The following WNT7B variants were observed in gnomAD, a reference collection of about 807,000 sequenced individuals.
The protein encoded by WNT7B is Wnt family member 7B.
WNT7B carries 19 observed loss-of-function variants against 38.2 expected under a neutral mutation model. The ratio of observed to expected loss-of-function variants is 0.50; its 90% CI spans 0.35 to 0.73. The LOEUF is 0.73. Among genes scored for constraint, WNT7B ranks in the 30% least tolerant of loss-of-function variants. The pLI is 0.01. For missense variants in WNT7B, 423 were observed against 507.9 expected, an observed-to-expected ratio of 0.83 and a Z score of 1.61; for synonymous variants, 243 against 209.3, an observed-to-expected ratio of 1.16 and a Z score of -1.39.
chr22:45,945,980 C>T (rs568093784), intron 2 of WNT7B, among the ~76,000 whole-genome samples: 5 of 152,260 alleles, frequency 3.3e-5, no homozygotes, highest in East Asian at 1.9e-4. Context: ...CATTCCCTGG[C>T]AGCTCAAGGG....
chr22:45,954,299 T>G lies in WNT7B; in HGVS notation c.72-4153A>C, dbSNP rs1232944749. On this transcript the variant is annotated intron_variant, in intron 1 of 3. Transcript: ENST00000339464. ...GTGGCTGCCTAATGGGTATGGAATT[T>G]CCATCTGGGGTGATGGAAAGTTCTG... 2.0e-5 allele frequency among the ~76,000 whole-genome samples: 3 copies of G among 152,322 alleles called. No individual in the cohort carries two copies. The South Asian group carries it at 6.2e-4, about 32-fold the overall frequency.
chr22:45,943,166 C>G (rs1028264626), intron 2 of WNT7B, among the ~76,000 whole-genome samples: 12 of 152,184 alleles, frequency 7.9e-5, no homozygotes, highest in African/African-American at 2.9e-4. Flanking sequence ...GTCCTTCCCC[C>G]CCTGTTTCTC....
chr22:45,929,884 CCACT>C (rs1931270488), intron 3 of WNT7B, among the ~76,000 whole-genome samples: 2 of 143,004 alleles, frequency 1.4e-5, no homozygotes, highest in African/African-American at 6.0e-5. Flanking sequence ...AACCATCTAC[CCACT>C]CATCCACTCA....
chr22:45,946,990 G>A (rs1305631333), intron 2 of WNT7B, among the ~76,000 whole-genome samples: 2 of 152,220 alleles, frequency 1.3e-5, no homozygotes, highest in Middle Eastern at 3.2e-3. Context: ...CTGTTCCCAC[G>A]AGTGTCCTGG....
At chr22:45,942,905 G>A (rs375855685) in intron 2 of WNT7B, among the ~76,000 whole-genome samples, 16 of 151,460 alleles carry the variant, frequency 1.1e-4, no homozygotes, top group African/African-American at 3.9e-4. Context: ...GTGTGCGCGC[G>A]TGTGTGCAGT....
intron 3 of WNT7B, chr22:45,926,627 G>A (rs1931092244): frequency 2.0e-6 from 2 of 985,276 alleles, no homozygotes; most frequent in African/African-American, 1.7e-5. Context: ...CCTGGCCATG[G>A]CCTGCGGCTG....
At chr22:45,969,489 C>T (rs969088001) in intron 1 of WNT7B, among the ~76,000 whole-genome samples, 3 of 152,234 alleles carry the variant, frequency 2.0e-5, no homozygotes, top group African/African-American at 7.2e-5. Flanking sequence ...ACCTGCCCTC[C>T]CTTGGGCCCT....
rs567572371 is a variant in WNT7B at position 45,929,895 on chromosome 22, C to T, written c.570+1203G>A. Among the ~76,000 whole-genome samples, 6 of 128,008 alleles carry T rather than the reference C, an allele frequency of 4.7e-5. No individual in the cohort carries two copies. In the East Asian group the frequency reaches 1.3e-3, roughly 28 times the overall value. 84.0% of individuals were successfully genotyped at this position (128,008 alleles called of 152,430 possible). A position where few individuals can be genotyped will look rare whatever the true frequency, so the allele number is the denominator to read the frequency against. On this transcript the variant is annotated intron_variant, in intron 3 of 3. Transcript: ENST00000339464. ...ATCCAACCATCTACCCACTCATCCA[C>T]TCATCTATCTACCCATCCATCTATC... is the stretch of plus-strand genomic sequence containing the variant.
chr22:45,922,311 G>A lies in WNT7B; in HGVS notation c.*545C>T, dbSNP rs1041164821. The A allele has an allele frequency of 9.7e-5, 15 of 155,246 alleles. No homozygotes were observed. The highest frequency in any genetic ancestry group is 1.4e-4 in the African/African-American group (6 of 41,472). The allele number at this position is 155,246 out of a possible 1,614,324, so 9.6% of individuals were successfully genotyped here. On this transcript the variant is annotated 3_prime_UTR_variant, in exon 4 of 4. Coordinates refer to ENST00000339464, the MANE Select transcript of WNT7B (RefSeq NM_058238.3). ...TGGGCTGACACAGAGTACGGAGTTA[G>A]GACTGGCTATGTGTTAGTGCCGAGA...
chr22:45,971,598 G>C (rs935947554), intron 1 of WNT7B, among the ~76,000 whole-genome samples: 7 of 152,230 alleles, frequency 4.6e-5, no homozygotes, highest in African/African-American at 7.2e-5. Flanking sequence ...ACTCGGCAGG[G>C]GCAGGGATCA....
intron 2 of WNT7B, among the ~76,000 whole-genome samples, chr22:45,943,015 G>T (rs765287786): frequency 1.3e-5 from 2 of 151,568 alleles, no homozygotes; most frequent in Non-Finnish European, 2.9e-5. Flanking sequence ...TGTGTGCAGT[G>T]TGCATGTGTA....
rs1269123205 is a variant in WNT7B at position 45,923,216 on chromosome 22, C to T, written c.690G>A (p.Glu230=). The T allele has an allele frequency of 2.5e-6, 4 of 1,613,222 alleles. No individual in the cohort carries two copies. Among genetic ancestry groups the T allele is most frequent in the Non-Finnish European group, 3.4e-6 (4 of 1,180,000 alleles). ...CCACCTGCACGGCCGCGTTGTACTT[C>T]TCCTTCAGCAGGTGGCCCACCTCTC... ...KFREVGHLLK[E]KYNAAVQVEV... is the part of the protein sequence containing the mutation. The change falls in exon 4 of 4, where the codon GAG becomes GAA. Residue 230 remains glutamate, a synonymous_variant. Transcript: ENST00000339464.
intron 2 of WNT7B, among the ~76,000 whole-genome samples, chr22:45,932,463 T>G (rs1008617811): frequency 2.6e-5 from 4 of 151,938 alleles, no homozygotes; most frequent in Non-Finnish European, 5.9e-5. Flanking sequence ...CTTCAGTTCC[T>G]GATTTGACCC....
At chr22:45,924,914 G>A (rs111953984) in intron 3 of WNT7B, among the ~76,000 whole-genome samples, 2 of 139,790 alleles carry the variant, frequency 1.4e-5, no homozygotes, top group Non-Finnish European at 3.1e-5. Flanking sequence ...GGGCCCTAGA[G>A]TGGCAGGTGG....
intron 2 of WNT7B, among the ~76,000 whole-genome samples, chr22:45,931,889 G>C (rs558089914): frequency 6.6e-6 from 1 of 152,152 alleles, no homozygotes; most frequent in Non-Finnish European, 1.5e-5. Context: ...GGAGCATGGG[G>C]GGCCTCGTCC....
chr22:45,960,298 G>T (rs1228838343), intron 1 of WNT7B, among the ~76,000 whole-genome samples: 1 of 152,154 alleles, frequency 6.6e-6, no homozygotes, highest in African/African-American at 2.4e-5. Context: ...ACCCCTCCTT[G>T]GGGAGGCACT....
At chr22:45,964,116 A>G (rs9286456) in intron 1 of WNT7B, among the ~76,000 whole-genome samples, 151,061 of 152,136 alleles carry the variant, frequency 0.99, 75,000 homozygotes, top group Middle Eastern at 1. Flanking sequence ...ACTGTGTCCC[A>G]CAGGTCCCCA....
chr22:45,972,108 C>CGGGGGGCGGGG, intron 1 of WNT7B: 2 of 579,230 alleles, frequency 3.5e-6, no homozygotes, highest in Non-Finnish European at 6.2e-6. Context: ...GCTGGAGGCC[C>CGGGGGGCGGGG]GGGGGGAGCC....
In WNT7B at chr22:45,920,411, G is replaced by A. The variant is rs1930887732; in HGVS notation, c.*2445C>T. The A allele has an allele frequency of 6.6e-6, 1 of 152,156 alleles. No homozygotes were observed. The highest frequency in any genetic ancestry group is 2.1e-4 in the South Asian group (1 of 4,828). 9.4% of individuals were successfully genotyped at this position (152,156 alleles called of 1,614,324 possible). A position where few individuals can be genotyped will look rare whatever the true frequency, so the allele number is the denominator to read the frequency against. ...TTGGGCCGAGCACTCCCCTCCAGGGGAGGCTGCCGTCAGAAGGGTGGGGAC... is the reference window on the plus strand; with the variant it reads ...TTGGGCCGAGCACTCCCCTCCAGGGAAGGCTGCCGTCAGAAGGGTGGGGAC... On this transcript the variant is annotated 3_prime_UTR_variant, in exon 4 of 4. Coordinates refer to ENST00000339464, the MANE Select transcript of WNT7B (RefSeq NM_058238.3).
Sources: gnomAD v4.1 joint callset for allele counts (sites outside exome capture counted in the v4.1 genomes callset) on GRCh38, gnomAD v4.1.1 for gene constraint, MANE v1.5 for transcripts, NCBI Gene and HGNC (gene_info 2026-07-23, HGNC 2026-07-21) for gene names.